The following EXO1 variants were observed in gnomAD, a reference collection of about 807,000 sequenced individuals.
EXO1 encodes the protein exonuclease 1.
In EXO1, 69 loss-of-function variants were observed where a neutral mutation model predicts 84.5. The observed-to-expected ratio is 0.82, with a 90% CI of 0.67 to 1.00. The LOEUF (loss-of-function observed/expected upper bound fraction) is 1.00, where lower values mean the gene tolerates loss of function less well. Among genes scored for constraint, EXO1 ranks in the 50% least tolerant of loss-of-function variants. EXO1 has a pLI of 0.00. For missense variants in EXO1, 1,045 were observed against 1,000.7 expected (o/e 1.04, Z -0.60); for synonymous variants, 373 against 366.1 (o/e 1.02, Z -0.21).
At chr1:241,875,885 G>GA (rs1662377311) in intron 12 of EXO1, among the ~76,000 whole-genome samples, 3 of 152,006 alleles carry the variant, frequency 2.0e-5, no homozygotes, top group South Asian at 4.2e-4. Context: ...CTCAAAAAAA[G>GA]AAAAAAATAC....
Position 241,867,066 on chromosome 1 carries a change from C to G in EXO1, c.1267+11C>G. 6.3e-7 allele frequency: 1 copy of G among 1,593,900 alleles called. No individual in the cohort carries two copies. The highest frequency in any genetic ancestry group is 8.6e-7 in the Non-Finnish European group (1 of 1,161,892). On this transcript the variant is annotated intron_variant, in intron 11 of 15. Transcript: ENST00000366548. The stretch of plus-strand genomic sequence containing the variant: ...AAAGACCAAGAAGTGGTACGTATTT[C>G]AGTTTTGCAAAATGCTGGTGAATAT...
rs370831732 is a variant in EXO1 at position 241,852,320 on chromosome 1, A to G, written c.190A>G (p.Asn64Asp). 6.3e-7 allele frequency: 1 copy of G among 1,598,540 alleles called. No homozygotes were observed. Among genetic ancestry groups the G allele is most frequent in the East Asian group, 2.2e-5 (1 of 44,756 alleles). ...TGTAGGATTTTGTATGAAATTTGTA[A>G]ATATGTTACTATCTCATGGGATCAA... is the stretch of plus-strand genomic sequence containing the variant. ...RYVGFCMKFV[N>D]MLLSHGIKPI... The change falls in exon 5 of 16, where the codon AAT becomes GAT. Residue 64 changes from asparagine to aspartate, a missense_variant. Asn to Asp is a conservative substitution (Grantham distance 23). Coordinates refer to ENST00000366548, the MANE Select transcript of EXO1 (RefSeq NM_130398.4).
In EXO1 at chr1:241,852,343, C is replaced by T. The variant is rs757670575; in HGVS notation, c.213C>T (p.Ile71=). Residue 71 remains isoleucine (I), a synonymous_variant, in exon 5 of 16, where the codon ATC becomes ATT. Transcript: ENST00000366548. ...TAAATATGTTACTATCTCATGGGATCAAGCCTATTCTCGTATTTGATGGAT... is the reference window on the plus strand; with the variant it reads ...TAAATATGTTACTATCTCATGGGATTAAGCCTATTCTCGTATTTGATGGAT... The part of the protein sequence containing the change: ...KFVNMLLSHG[I]KPILVFDGCT... 3 of 1,589,564 alleles carry T rather than the reference C, an allele frequency of 1.9e-6. No individual in the cohort carries two copies. The highest frequency in any genetic ancestry group is 2.2e-5 in the South Asian group (2 of 90,540).
intron 8 of EXO1, 76 bp from the exon 9 acceptor site, chr1:241,860,441 T>C (rs562451363): frequency 8.5e-7 from 1 of 1,169,706 alleles, no homozygotes; most frequent in Non-Finnish European, 1.3e-6. Flanking sequence ...TTTATGAATG[T>C]AAATCAATCA....
At chr1:241,884,261 C>T (rs2148532961) in intron 14 of EXO1, among the ~76,000 whole-genome samples, 1 of 152,280 alleles carries the variant, frequency 6.6e-6, no homozygotes, top group East Asian at 1.9e-4. Flanking sequence ...CCCATCACAA[C>T]ACATATTTAA....
Position 241,879,154 on chromosome 1 carries a change from C to G in EXO1, c.1920C>G (p.Pro640=), listed in dbSNP as rs780488742. Residue 640 remains proline (P), a synonymous_variant, in exon 13 of 16, where the codon CCC becomes CCG. Transcript: ENST00000366548. Reference sequence around the variant, plus strand: ...AGTTCCGAAGAAAGAGCGATTCCCCCACCTCTTTGCCTGAGAATAATATGT... The same window carrying G: ...AGTTCCGAAGAAAGAGCGATTCCCCGACCTCTTTGCCTGAGAATAATATGT... ...LQQFRRKSDS[P]TSLPENNMSD... 6.2e-7 allele frequency: 1 copy of G among 1,608,690 alleles called. No homozygotes were observed. Among genetic ancestry groups the G allele is most frequent in the Non-Finnish European group, 8.5e-7 (1 of 1,175,272 alleles).
intron 10 of EXO1, among the ~76,000 whole-genome samples, chr1:241,865,391 A>G (rs1216077061): frequency 6.6e-6 from 1 of 151,438 alleles, no homozygotes; most frequent in Non-Finnish European, 1.5e-5. Flanking sequence ...TTTGTATTTT[A>G]GTAGAGATGG....
chr1:241,876,050 G>C (rs1007228639), intron 12 of EXO1, among the ~76,000 whole-genome samples: 4 of 152,174 alleles, frequency 2.6e-5, no homozygotes, highest in Admixed American at 6.6e-5. Context: ...ATGTTTGTGT[G>C]TCTCTACAGG....
At position 241,857,410 on chromosome 1, in the gene EXO1, T is replaced by C; in HGVS notation, c.471T>C (p.Tyr157=). 4 of 1,613,940 alleles carry C rather than the reference T, an allele frequency of 2.5e-6. No homozygotes were observed. Among genetic ancestry groups the C allele is most frequent in the Non-Finnish European group, 3.4e-6 (4 of 1,179,932 alleles). The change falls in exon 7 of 16, where the codon TAT becomes TAC. Residue 157 remains tyrosine, a synonymous_variant. Coordinates refer to ENST00000366548, the MANE Select transcript of EXO1 (RefSeq NM_130398.4). ...ATGAAGCTGATGCGCAGTTGGCCTA[T>C]CTTAACAAAGCGGGAATTGTGCAAG... ...APYEADAQLA[Y]LNKAGIVQAI...
chr1:241,852,464 T>C, intron 5 of EXO1, 53 bp downstream of exon 5: 2 of 1,529,166 alleles, frequency 1.3e-6, no homozygotes, highest in South Asian at 1.1e-5. Context: ...GGTCAGACAC[T>C]GTAGTCTATA....
At chr1:241,888,101 G>A (rs561334717) in intron 15 of EXO1, among the ~76,000 whole-genome samples, 137 of 152,242 alleles carry the variant, frequency 9.0e-4, no homozygotes, top group African/African-American at 2.2e-3. Context: ...TTAGCTGAGC[G>A]TGGTGGCATG....
intron 11 of EXO1, among the ~76,000 whole-genome samples, chr1:241,867,589 T>A (rs531094796): frequency 4.7e-4 from 71 of 152,274 alleles, no homozygotes; most frequent in Non-Finnish European, 7.9e-4. Context: ...TTAGTTTTTT[T>A]AATACGATGT....
intron 14 of EXO1, among the ~76,000 whole-genome samples, chr1:241,884,934 G>A (rs765267369): frequency 2.0e-5 from 3 of 152,214 alleles, no homozygotes; most frequent in Non-Finnish European, 4.4e-5. Flanking sequence ...TTGGCCGTGT[G>A]TGGTGGCTCA....
rs141531261 is a variant in EXO1 at position 241,857,398 on chromosome 1, G to A, written c.459G>A (p.Ala153=). The stretch of plus-strand genomic sequence containing the variant: ...TCGTGGCTCCCTATGAAGCTGATGC[G>A]CAGTTGGCCTATCTTAACAAAGCGG... ...DCLVAPYEAD[A]QLAYLNKAGI... is the part of the protein sequence containing the mutation. The change falls in exon 7 of 16, where the codon GCG becomes GCA. Residue 153 remains alanine (A), a synonymous_variant. Transcript: ENST00000366548. 3.7e-6 allele frequency: 6 copies of A among 1,613,776 alleles called. No individual in the cohort carries two copies. The highest frequency in any genetic ancestry group is 2.7e-5 in the African/African-American group (2 of 74,998).
At chr1:241,875,497 CT>C (rs1662338872) in intron 12 of EXO1, among the ~76,000 whole-genome samples, 1 of 152,194 alleles carries the variant, frequency 6.6e-6, no homozygotes, top group Non-Finnish European at 1.5e-5. Flanking sequence ...TTTGATTCGT[CT>C]TTTGCTAGTC....
At position 241,858,718 on chromosome 1, in the gene EXO1, G is replaced by A. The variant is rs1382014743; in HGVS notation, c.756G>A (p.Lys252=). 2 of 1,595,538 alleles carry A rather than the reference G, an allele frequency of 1.3e-6. 1 individual carries two copies. The highest frequency in any genetic ancestry group is 4.5e-5 in the East Asian group (2 of 44,772). ...TAGCCAATAATCCAGATATAGTAAA[G>A]GTAAGAGTGATTTGCTAAGTGTCAT... The part of the protein sequence containing the change: ...LRLANNPDIV[K]VIKKIGHYLK... Residue 252 remains lysine, a splice_region_variant and synonymous_variant, in exon 8 of 16, where the codon AAG becomes AAA. Coordinates refer to ENST00000366548, the MANE Select transcript of EXO1 (RefSeq NM_130398.4).
chr1:241,850,993 C>T (rs1242879264), intron 4 of EXO1, among the ~76,000 whole-genome samples: 1 of 151,988 alleles, frequency 6.6e-6, no homozygotes, highest in African/African-American at 2.4e-5. Flanking sequence ...CACCACCATA[C>T]CCGGCTAATT....
At chr1:241,882,305 A>T (rs1465299368) in intron 14 of EXO1, among the ~76,000 whole-genome samples, 4 of 152,050 alleles carry the variant, frequency 2.6e-5, no homozygotes, top group Admixed American at 6.6e-5. Flanking sequence ...TTTGTCATTT[A>T]CCCTAAATTT....
At position 241,872,136 on chromosome 1, in the gene EXO1, GTGTT is replaced by G. The variant is rs930069350; in HGVS notation, c.1376_1379del (p.Phe459CysfsTer5). 1 of 1,612,834 alleles carries G rather than the reference GTGTT, an allele frequency of 6.2e-7. No homozygotes were observed. Among genetic ancestry groups the G allele is most frequent in the African/African-American group, 1.3e-5 (1 of 74,888 alleles). ...CAATAAATCATTGAGCTTTTCTGAA[GTGTT>G]TGTGCCTGACCTGGTAAATGGACCT... On this transcript the variant is annotated frameshift_variant, in exon 12 of 16. Transcript: ENST00000366548. LOFTEE classifies it high-confidence loss of function.
Sources: allele counts gnomAD v4.1 joint callset (sites outside exome capture counted in the v4.1 genomes callset), GRCh38; gene constraint gnomAD v4.1.1; transcripts MANE v1.5; gene names NCBI Gene and HGNC (gene_info 2026-07-23, HGNC 2026-07-21).